The following ARMH4 variants were observed in gnomAD, a reference collection of about 807,000 sequenced individuals.
ARMH4 encodes the protein armadillo like helical domain containing 4, also known as armadillo-like helical domain-containing protein 4.
In ARMH4, 49 loss-of-function variants were observed where a neutral mutation model predicts 61.9. The observed-to-expected ratio is 0.79, with a 90% CI of 0.63 to 1.00. The LOEUF (loss-of-function observed/expected upper bound fraction) is 1.00, where lower values mean the gene tolerates loss of function less well. Among genes scored for constraint, ARMH4 ranks in the 50% least tolerant of loss-of-function variants. The pLI is 0.00. For synonymous variants in ARMH4, 368 were observed against 341.5 expected, an observed-to-expected ratio of 1.08 and a Z score of -0.85; for missense variants, 934 against 930.0, an observed-to-expected ratio of 1.00 and a Z score of -0.06.
intron 1 of ARMH4, among the ~76,000 whole-genome samples, chr14:58,150,789 C>T (rs111957994): frequency 6.6e-6 from 1 of 152,238 alleles, no homozygotes; most frequent in African/African-American, 2.4e-5. Flanking sequence ...AGTCAGAGTA[C>T]CTTTAAACCT....
intron 6 of ARMH4, among the ~76,000 whole-genome samples, chr14:58,011,599 A>G (rs1882408369): frequency 6.6e-6 from 1 of 152,152 alleles, no homozygotes; most frequent in African/African-American, 2.4e-5. Context: ...GAAAATGAAC[A>G]ATATCAACCT....
chr14:58,052,154 T>C (rs1352550556), intron 5 of ARMH4, among the ~76,000 whole-genome samples: 1 of 152,022 alleles, frequency 6.6e-6, no homozygotes, highest in Non-Finnish European at 1.5e-5. Context: ...CACTTAAACT[T>C]TTTCATCTTC....
intron 5 of ARMH4, among the ~76,000 whole-genome samples, chr14:58,080,881 C>G (rs1488291607): frequency 6.6e-6 from 1 of 152,060 alleles, no homozygotes; most frequent in Non-Finnish European, 1.5e-5. Flanking sequence ...GCGGGCAGAT[C>G]ACTTGAGGCC....
At chr14:58,016,748 A>T (rs1402926167) in intron 5 of ARMH4, among the ~76,000 whole-genome samples, 1 of 152,158 alleles carries the variant, frequency 6.6e-6, no homozygotes, top group African/African-American at 2.4e-5. Context: ...ATTTTATTTA[A>T]TGCAAATCCA....
chr14:58,122,152 T>A lies in ARMH4; in HGVS notation c.1831+9360A>T, dbSNP rs557450996. Among the ~76,000 whole-genome samples, 4 of 152,280 alleles carry A rather than the reference T, an allele frequency of 2.6e-5. No individual in the cohort carries two copies. The South Asian group carries it at 6.2e-4, about 24-fold the overall frequency. On this transcript the variant is annotated intron_variant, in intron 4 of 7. Transcript: ENST00000267485. ...ACATTCATAATCTCACACTACAGAA[T>A]CACAAATAGCAGGAGACAGTTCAAG...
intron 5 of ARMH4, among the ~76,000 whole-genome samples, chr14:58,079,701 G>A (rs1394122125): frequency 6.6e-6 from 1 of 152,170 alleles, no homozygotes; most frequent in Non-Finnish European, 1.5e-5. Flanking sequence ...TGAATAAGTA[G>A]GTACTTGGAA....
At chr14:58,112,658 T>A (rs990781403) in intron 4 of ARMH4, among the ~76,000 whole-genome samples, 1 of 152,246 alleles carries the variant, frequency 6.6e-6, no homozygotes, top group African/African-American at 2.4e-5. Context: ...ATTATCTTTC[T>A]TCTTCTCTAA....
At chr14:58,131,270 T>C (rs1159092489) in intron 4 of ARMH4, 1 of 445,976 alleles carries the variant, frequency 2.2e-6, no homozygotes, top group Admixed American at 3.9e-5. Flanking sequence ...AACTTTTCTA[T>C]GTCACAAAAT....
intron 1 of ARMH4, among the ~76,000 whole-genome samples, chr14:58,147,375 C>T (rs1198648637): frequency 2.0e-5 from 3 of 147,572 alleles, no homozygotes; most frequent in Non-Finnish European, 3.0e-5. Flanking sequence ...AGTGCAGTGG[C>T]GAGATCTCAG....
At chr14:58,112,283 T>TTC (rs1247391201) in intron 4 of ARMH4, among the ~76,000 whole-genome samples, 110 of 145,666 alleles carry the variant, frequency 7.6e-4, no homozygotes, top group African/African-American at 2.9e-3. Flanking sequence ...GTGCTTAATT[T>TTC]TTCTTTTTTT....
Position 58,131,686 on chromosome 14 carries a change from ACTC to A in ARMH4, c.1654_1656del (p.Glu552del), listed in dbSNP as rs147141968. 1.9e-3 allele frequency: 3,120 copies of A among 1,613,408 alleles called. 71 individuals carry two copies. In the African/African-American group the frequency reaches 0.036, roughly 19 times the overall value. ...ACTGGAGATCCCAGAACTGGTGTGAACTCCTCATTTGGCCCTGTGACTGTGTCC... is the reference window on the plus strand; with the variant it reads ...ACTGGAGATCCCAGAACTGGTGTGAACTCATTTGGCCCTGTGACTGTGTCC... On this transcript the variant is annotated inframe_deletion, in exon 4 of 8. Coordinates refer to ENST00000267485, the MANE Select transcript of ARMH4 (RefSeq NM_001001872.4).
In ARMH4 at chr14:58,055,688, A is replaced by G. The variant is rs576698300; in HGVS notation, c.2089+41036T>C. On this transcript the variant is annotated intron_variant, in intron 5 of 7. Transcript: ENST00000267485. ...GTCACCCCCCACCCTACACCTCCTG[A>G]ATCAGAATCTGCACTTTAATCAGAT... Among the ~76,000 whole-genome samples the G allele has an allele frequency of 7.9e-5, 12 of 152,296 alleles. No individual in the cohort carries two copies. In the East Asian group the frequency reaches 1.5e-3, roughly 20 times the overall value.
intron 5 of ARMH4, among the ~76,000 whole-genome samples, chr14:58,025,471 C>T (rs756202145): frequency 6.6e-6 from 1 of 152,122 alleles, no homozygotes; most frequent in Non-Finnish European, 1.5e-5. Flanking sequence ...AAGAGAAATG[C>T]ATGCTCCATC....
chr14:58,080,651 T>C lies in ARMH4; in HGVS notation c.2089+16073A>G, dbSNP rs184340789. On this transcript the variant is annotated intron_variant, in intron 5 of 7. Transcript: ENST00000267485. ...CCCATTGGGTACTATACTCACCACC[T>C]GGGTGATGGGATCATTTGTGCCCCA... Among the ~76,000 whole-genome samples the C allele has an allele frequency of 9.9e-3, 1,500 of 152,266 alleles. 33 individuals are homozygous for C. The highest frequency in any genetic ancestry group is 0.034 in the African/African-American group (1,403 of 41,560).
chr14:58,023,020 C>G (rs906584682), intron 5 of ARMH4, among the ~76,000 whole-genome samples: 11 of 152,210 alleles, frequency 7.2e-5, no homozygotes, highest in African/African-American at 2.7e-4. Flanking sequence ...AAAAATGCTA[C>G]TGATCATCTG....
At chr14:58,048,503 AC>A (rs749119651) in intron 5 of ARMH4, among the ~76,000 whole-genome samples, 8 of 152,162 alleles carry the variant, frequency 5.3e-5, no homozygotes, top group Non-Finnish European at 1.0e-4. Flanking sequence ...CGTAACACTG[AC>A]CAGTGCGGCT....
At chr14:58,082,851 A>C (rs965429488) in intron 5 of ARMH4, among the ~76,000 whole-genome samples, 6 of 152,190 alleles carry the variant, frequency 3.9e-5, no homozygotes, top group African/African-American at 1.4e-4. Flanking sequence ...TGCTTCAGGT[A>C]AATGATATGT....
intron 4 of ARMH4, among the ~76,000 whole-genome samples, chr14:58,122,136 A>G (rs529553328): frequency 9.9e-5 from 15 of 152,200 alleles, no homozygotes; most frequent in Non-Finnish European, 2.1e-4. Flanking sequence ...AACATTCATA[A>G]TCTCACACTA....
chr14:58,074,612 T>C (rs1884986280), intron 5 of ARMH4, among the ~76,000 whole-genome samples: 1 of 152,080 alleles, frequency 6.6e-6, no homozygotes, highest in African/African-American at 2.4e-5. Flanking sequence ...ACCACCAATA[T>C]GACATCACAG....
Sources: gnomAD v4.1 joint callset for allele counts (sites outside exome capture counted in the v4.1 genomes callset) on GRCh38, gnomAD v4.1.1 for gene constraint, MANE v1.5 for transcripts, NCBI Gene and HGNC (gene_info 2026-07-23, HGNC 2026-07-21) for gene names.